The following COL26A1 variants were observed in gnomAD, a reference collection of about 807,000 sequenced individuals.
The protein encoded by COL26A1 is collagen alpha-1(XXVI) chain.
COL26A1 carries 41 observed loss-of-function variants against 59.3 expected under a neutral mutation model. The ratio of observed to expected loss-of-function variants is 0.69; its 90% CI spans 0.54 to 0.90. The LOEUF (loss-of-function observed/expected upper bound fraction) is 0.90, where lower values mean the gene tolerates loss of function less well. COL26A1 is among the 40% of genes least tolerant of loss of function. The pLI, the probability that COL26A1 is intolerant of heterozygous loss-of-function variation, is 0.00. For synonymous variants in COL26A1, 266 were observed against 256.0 expected, an observed-to-expected ratio of 1.04 and a Z score of -0.37; for missense variants, 612 against 602.3, an observed-to-expected ratio of 1.02 and a Z score of -0.17.
intron 1 of COL26A1, among the ~76,000 whole-genome samples, chr7:101,419,689 C>T (rs1406116323): frequency 1.2e-4 from 18 of 152,234 alleles, no homozygotes. Context: ...GTGTCATCTC[C>T]TCTCCCCACC....
At chr7:101,380,492 C>T (rs1244023273) in intron 1 of COL26A1, among the ~76,000 whole-genome samples, 1 of 152,050 alleles carries the variant, frequency 6.6e-6, no homozygotes, top group Non-Finnish European at 1.5e-5. Context: ...ACGAGGGTTT[C>T]ACCATGTTGC....
At chr7:101,531,039 C>T (rs1001798382) in intron 3 of COL26A1, among the ~76,000 whole-genome samples, 2 of 151,756 alleles carry the variant, frequency 1.3e-5, no homozygotes, top group African/African-American at 2.4e-5. Context: ...GGTGCGATCT[C>T]GGCTCACTGC....
At chr7:101,531,929 G>A (rs960401884) in intron 3 of COL26A1, among the ~76,000 whole-genome samples, 3 of 152,102 alleles carry the variant, frequency 2.0e-5, no homozygotes, top group Non-Finnish European at 4.4e-5. Flanking sequence ...AAGCAGGATC[G>A]TGGTCAGCCC....
intron 1 of COL26A1, among the ~76,000 whole-genome samples, chr7:101,383,247 AT>A (rs1460693769): frequency 6.6e-6 from 1 of 151,894 alleles, no homozygotes; most frequent in African/African-American, 2.4e-5. Flanking sequence ...AGGCATGTCG[AT>A]TTTGTATCAG....
In COL26A1 at chr7:101,539,938, G is replaced by T. The variant is rs193085561; in HGVS notation, c.493G>T (p.Asp165Tyr). 6.2e-7 allele frequency: 1 copy of T among 1,613,628 alleles called. No individual in the cohort carries two copies. Residue 165 changes from aspartate to tyrosine, a missense_variant, in exon 5 of 13, where the codon GAC (aspartate) becomes TAC (tyrosine). Coordinates refer to ENST00000313669, the MANE Select transcript of COL26A1 (RefSeq NM_001278563.3). ...AAERPSSPDNDLPAPESTPPT... is the reference protein window; with the variant it reads ...AAERPSSPDNYLPAPESTPPT... ...AGAACGGCCCTCCAGCCCGGACAAC[G>T]ACCTGCCAGCCCCCGAGAGCACTCC...
At chr7:101,541,872 G>A (rs1326092755) in intron 5 of COL26A1, among the ~76,000 whole-genome samples, 1 of 152,140 alleles carries the variant, frequency 6.6e-6, no homozygotes, top group Non-Finnish European at 1.5e-5. Context: ...CTGAATCCAG[G>A]GGTTGAAGGC....
chr7:101,554,487 T>C (rs1795924611), intron 11 of COL26A1, among the ~76,000 whole-genome samples: 2 of 150,010 alleles, frequency 1.3e-5, no homozygotes, highest in Non-Finnish European at 3.0e-5. Flanking sequence ...ATCCCAGCAC[T>C]TTGGGAGGCT....
At chr7:101,502,776 C>G (rs1794732707) in intron 3 of COL26A1, among the ~76,000 whole-genome samples, 1 of 152,216 alleles carries the variant, frequency 6.6e-6, no homozygotes, top group Admixed American at 6.5e-5. Flanking sequence ...CGCATGCCCC[C>G]CTCTTGTTGC....
At chr7:101,363,246 G>A (rs1327059966) in intron 1 of COL26A1, 56 bp downstream of exon 1, 1 of 1,283,288 alleles carries the variant, frequency 7.8e-7, no homozygotes, top group African/African-American at 1.7e-5. Flanking sequence ...GGACAGCGGG[G>A]GCCCTGGCCA....
At chr7:101,555,740 C>T (rs1023696846) in intron 11 of COL26A1, 47 bp from the exon 12 acceptor site, 4 of 1,463,532 alleles carry the variant, frequency 2.7e-6, no homozygotes, top group Non-Finnish European at 3.8e-6. Flanking sequence ...TGGCCCTGAC[C>T]CCTTCCTCAT....
intron 3 of COL26A1, among the ~76,000 whole-genome samples, chr7:101,524,032 G>A (rs1403750444): frequency 6.6e-6 from 1 of 152,096 alleles, no homozygotes; most frequent in Non-Finnish European, 1.5e-5. Context: ...CACTTTGGGA[G>A]GCTCAAGTGG....
At chr7:101,458,624 G>A (rs1340843052) in intron 3 of COL26A1, among the ~76,000 whole-genome samples, 1 of 150,982 alleles carries the variant, frequency 6.6e-6, no homozygotes, top group African/African-American at 2.4e-5. Flanking sequence ...ACTCCAGCCT[G>A]GGCAATGTGA....
intron 1 of COL26A1, among the ~76,000 whole-genome samples, chr7:101,387,171 A>G (rs1380458405): frequency 1.3e-5 from 2 of 152,126 alleles, no homozygotes; most frequent in Non-Finnish European, 2.9e-5. Flanking sequence ...TGACACTCCC[A>G]AGAGCTGCTT....
rs535292791 is a variant in COL26A1 at position 101,558,068 on chromosome 7, T to C, written c.*538T>C. On this transcript the variant is annotated 3_prime_UTR_variant, in exon 13 of 13. Transcript: ENST00000313669. Reference sequence around the variant, plus strand: ...CAGCTTCCCCTCTTCGAGAGAAAACTCAGACAGGGAGGGCGCAGGGCCAGA... The same window carrying C: ...CAGCTTCCCCTCTTCGAGAGAAAACCCAGACAGGGAGGGCGCAGGGCCAGA... 10 of 152,372 alleles carry C rather than the reference T, an allele frequency of 6.6e-5. No homozygotes were observed. Among genetic ancestry groups the C allele is most frequent in the African/African-American group, 2.4e-4 (10 of 41,552 alleles). The allele number at this position is 152,372 out of a possible 1,614,324, so 9.4% of individuals were successfully genotyped here. A position where few individuals can be genotyped will look rare whatever the true frequency, so the allele number is the denominator to read the frequency against.
intron 2 of COL26A1, among the ~76,000 whole-genome samples, chr7:101,433,765 G>T (rs1037805535): frequency 6.6e-6 from 1 of 152,052 alleles, no homozygotes; most frequent in African/African-American, 2.4e-5. Context: ...AGGAGGGAAG[G>T]CCACAGCAGG....
intron 5 of COL26A1, among the ~76,000 whole-genome samples, chr7:101,542,525 C>A (rs1300665624): frequency 7.9e-5 from 12 of 152,182 alleles, no homozygotes; most frequent in Admixed American, 4.6e-4. Context: ...AAGCTGGGGG[C>A]ATTTTGCCTC....
At chr7:101,473,856 G>GA (rs72037716) in intron 3 of COL26A1, among the ~76,000 whole-genome samples, 69 of 145,850 alleles carry the variant, frequency 4.7e-4, no homozygotes, top group Non-Finnish European at 5.3e-4. Flanking sequence ...CTGTCTCAAA[G>GA]AAAAAAAAAA....
Position 101,488,349 on chromosome 7 carries a change from A to AT in COL26A1, c.385+40562_385+40563insT, listed in dbSNP as rs1794311937. 3.8e-5 allele frequency among the ~76,000 whole-genome samples: 4 copies of AT among 104,974 alleles called. No individual in the cohort carries two copies. In the East Asian group the frequency reaches 7.1e-4, roughly 19 times the overall value. 68.9% of individuals were successfully genotyped at this position (104,974 alleles called of 152,430 possible). A position where few individuals can be genotyped will look rare whatever the true frequency, so the allele number is the denominator to read the frequency against. On this transcript the variant is annotated intron_variant, in intron 3 of 12. Coordinates refer to ENST00000313669, the MANE Select transcript of COL26A1 (RefSeq NM_001278563.3). ...TTTTAATCCGTTTTTAATTTTATTT[A>AT]ATATATATATATATATATATATATA... is the stretch of plus-strand genomic sequence containing the variant.
intron 3 of COL26A1, among the ~76,000 whole-genome samples, chr7:101,465,273 C>G (rs1453735987): frequency 2.0e-5 from 3 of 152,072 alleles, no homozygotes; most frequent in Non-Finnish European, 4.4e-5. Context: ...CTCCTGGGCT[C>G]AAACGATCCT....
Sources: gnomAD v4.1 joint callset for allele counts (sites outside exome capture counted in the v4.1 genomes callset) on GRCh38, gnomAD v4.1.1 for gene constraint, MANE v1.5 for transcripts, NCBI Gene and HGNC (gene_info 2026-07-23, HGNC 2026-07-21) for gene names.